Variants in ZBTB4 observed in about 807,000 individuals in gnomAD.
The protein encoded by ZBTB4 is zinc finger and BTB domain-containing protein 4.
A neutral mutation model predicts 59.8 loss-of-function variants in ZBTB4; 14 were observed. The ratio of observed to expected loss-of-function variants is 0.23; its 90% CI spans 0.15 to 0.37. The LOEUF is 0.37. Among genes scored for constraint, ZBTB4 ranks in the 10% least tolerant of loss-of-function variants. The pLI, the probability that ZBTB4 is intolerant of heterozygous loss-of-function variation, is 1.00. For missense variants in ZBTB4, 1,198 were observed against 1,380.8 expected, an observed-to-expected ratio of 0.87 and a Z score of 2.10; for synonymous variants, 587 against 575.2, an observed-to-expected ratio of 1.02 and a Z score of -0.29.
At position 7,466,379 on chromosome 17, in the gene ZBTB4, G is replaced by A. The variant is rs766377482; in HGVS notation, c.423C>T (p.Asn141=). The A allele has an allele frequency of 6.2e-7, 1 of 1,614,122 alleles. No homozygotes were observed. The highest frequency in any genetic ancestry group is 1.1e-5 in the South Asian group (1 of 91,064). Residue 141 remains asparagine, a synonymous_variant, in exon 3 of 4, where the codon AAC becomes AAT. Coordinates refer to ENST00000380599, the MANE Select transcript of ZBTB4 (RefSeq NM_001128833.2). The surrounding 1 kb of genome is among the most constrained non-coding windows in gnomAD (Gnocchi z 9.1). ...GTGCGAGCCGGGCGCTGTAGATGAA[G>A]TTGAGGACATCAGAAAACGCAGCTG... The part of the protein sequence containing the change: ...VPAAAFSDVL[N]FIYSARLALP...
At chr17:7,484,177 G>A (rs2070383087), upstream of ZBTB4, 1 of 153,386 alleles carries the variant, frequency 6.5e-6, no homozygotes, top group Admixed American at 6.5e-5. Flanking sequence ...TGGGATTAAA[G>A]AAAAAAATTC....
chr17:7,470,643 C>T (rs1236020967), intron 1 of ZBTB4, among the ~76,000 whole-genome samples: 1 of 152,158 alleles, frequency 6.6e-6, no homozygotes, highest in Non-Finnish European at 1.5e-5. Flanking sequence ...TTGCAGTGAG[C>T]CGAGATTGCA....
At position 7,463,043 on chromosome 17, in the gene ZBTB4, C is replaced by G. The variant is rs1165526664; in HGVS notation, c.1939G>C (p.Glu647Gln). The change falls in exon 4 of 4, where the codon GAG (glutamate) becomes CAG (glutamine). Residue 647 changes from glutamate to glutamine, a missense_variant. By Grantham distance (29) the Glu-to-Gln change is conservative. Around this residue, in one of 9 missense-constraint regions of ZBTB4, gnomAD observed 550 missense variants for 541.8 expected, o/e 1.02. Transcript: ENST00000380599. ...GATTCCTCCTCATCCTCCTCCTCCT[C>G]CTCTTCGTCCTCCTCCTCTTCGTCC... is the stretch of plus-strand genomic sequence containing the variant. The part of the protein sequence containing the change: ...EEDEEEEDEE[E>Q]EEEDEEESKA... The G allele has an allele frequency of 6.2e-7, 1 of 1,609,262 alleles. No homozygotes were observed. The highest frequency in any genetic ancestry group is 8.5e-7 in the Non-Finnish European group (1 of 1,178,128).
intron 1 of ZBTB4, among the ~76,000 whole-genome samples, chr17:7,473,131 G>A (rs1378312319): frequency 2.4e-5 from 1 of 41,508 alleles, no homozygotes; most frequent in Non-Finnish European, 4.9e-5. Context: ...TTTTTTTTTT[G>A]AGACTGAGTC....
intron 3 of ZBTB4, among the ~76,000 whole-genome samples, chr17:7,464,316 A>C (rs2150851658): frequency 6.6e-6 from 1 of 150,486 alleles, no homozygotes; most frequent in Admixed American, 6.7e-5. Flanking sequence ...AGGACATGGC[A>C]CAAAGAGGCC....
chr17:7,464,208 A>C (rs893933568), intron 3 of ZBTB4, among the ~76,000 whole-genome samples: 5 of 152,212 alleles, frequency 3.3e-5, no homozygotes, highest in African/African-American at 1.2e-4. Context: ...CCTGCTCGGA[A>C]TAGTGTAATG....
At chr17:7,470,492 C>T (rs558083434) in intron 1 of ZBTB4, among the ~76,000 whole-genome samples, 1 of 152,024 alleles carries the variant, frequency 6.6e-6, no homozygotes, top group South Asian at 2.1e-4. Context: ...TTCAGGAGCT[C>T]GAGACCAGCC....
At chr17:7,483,111 G>C, upstream of ZBTB4, 2 of 1,519,088 alleles carry the variant, frequency 1.3e-6, no homozygotes, top group Non-Finnish European at 1.8e-6. Flanking sequence ...GTGGGAGAGG[G>C]ATACCTCTCA....
At chr17:7,468,933 T>C (rs1392302245) in intron 1 of ZBTB4, among the ~76,000 whole-genome samples, 1 of 152,182 alleles carries the variant, frequency 6.6e-6, no homozygotes, top group Non-Finnish European at 1.5e-5. Context: ...CAGGGACTGA[T>C]GAGGTTCTGG....
upstream of ZBTB4, among the ~76,000 whole-genome samples, chr17:7,480,624 G>A (rs983170182): frequency 3.3e-5 from 5 of 152,166 alleles, no homozygotes; most frequent in Admixed American, 6.5e-5. Context: ...GGAGGCTGAG[G>A]CAGGAGAATG....
chr17:7,463,704 G>A lies in ZBTB4; in HGVS notation c.1278C>T (p.Pro426=). Reference sequence around the variant, plus strand: ...GGGCTCCCTGGCTGTAGGTCTTGTAGGGCCGCTTGGCTGCCCGCATGGGGA... The same window carrying A: ...GGGCTCCCTGGCTGTAGGTCTTGTAAGGCCGCTTGGCTGCCCGCATGGGGA... ...RLLPMRAAKR[P]YKTYSQGAPE... Residue 426 remains proline (P), a synonymous_variant, in exon 4 of 4, where the codon CCC becomes CCT. Coordinates refer to ENST00000380599, the MANE Select transcript of ZBTB4 (RefSeq NM_001128833.2). The A allele has an allele frequency of 6.2e-7, 1 of 1,613,970 alleles. No homozygotes were observed. The highest frequency in any genetic ancestry group is 8.5e-7 in the Non-Finnish European group (1 of 1,179,994).
chr17:7,481,858 G>T, upstream of ZBTB4: 1 of 1,321,724 alleles, frequency 7.6e-7, no homozygotes. Context: ...TAGCTCCGAA[G>T]AGTTCCTCAG....
chr17:7,482,391 G>C (rs1318894034), upstream of ZBTB4: 2 of 1,613,876 alleles, frequency 1.2e-6, no homozygotes, highest in Admixed American at 1.7e-5. Flanking sequence ...GTTCGCAAAG[G>C]TTCTTCCACC....
chr17:7,477,940 C>T (rs1030668418), intron 1 of ZBTB4, among the ~76,000 whole-genome samples: 1 of 152,176 alleles, frequency 6.6e-6, no homozygotes, highest in Non-Finnish European at 1.5e-5. Flanking sequence ...CAAAGATTAG[C>T]TGGGCCATCT....
Position 7,466,240 on chromosome 17 carries a change from G to C in ZBTB4, c.562C>G (p.Pro188Ala). 1 of 1,613,380 alleles carries C rather than the reference G, an allele frequency of 6.2e-7. No homozygotes were observed. Among genetic ancestry groups the C allele is most frequent in the Non-Finnish European group, 8.5e-7 (1 of 1,179,780 alleles). The change falls in exon 3 of 4, where the codon CCT (proline) becomes GCT (alanine). Residue 188 changes from proline to alanine, a missense_variant. Coordinates refer to ENST00000380599, the MANE Select transcript of ZBTB4 (RefSeq NM_001128833.2). This position sits in a 1 kb window ranked among gnomAD's most constrained non-coding sequence, Gnocchi z 9.1. Reference protein sequence around the residue: ...LGEGGDAWVPPTPAPMATSQP... With the variant: ...LGEGGDAWVPATPAPMATSQP... ...GAGGTGGCCATGGGGGCTGGGGTAGGAGGTACCCAGGCATCACCTCCCTCC... is the reference window on the plus strand; with the variant it reads ...GAGGTGGCCATGGGGGCTGGGGTAGCAGGTACCCAGGCATCACCTCCCTCC...
chr17:7,468,369 G>A (rs1301604251), intron 1 of ZBTB4, among the ~76,000 whole-genome samples: 2 of 148,036 alleles, frequency 1.4e-5, no homozygotes, highest in East Asian at 1.9e-4. Context: ...GCAAAACTCC[G>A]TCTCAAAAAA....
intron 1 of ZBTB4, among the ~76,000 whole-genome samples, chr17:7,469,956 C>T (rs2070177428): frequency 6.6e-6 from 1 of 151,684 alleles, no homozygotes; most frequent in South Asian, 2.1e-4. Flanking sequence ...GTGGCAGGCA[C>T]CTGTAGTCCC....
rs1260324595 is a variant in ZBTB4 at position 7,461,109 on chromosome 17, T to C, written c.*831A>G. On this transcript the variant is annotated 3_prime_UTR_variant, in exon 4 of 4. Coordinates refer to ENST00000380599, the MANE Select transcript of ZBTB4 (RefSeq NM_001128833.2). ...CTGGTCTAGCCCAGAATAGGCCATA[T>C]GTAGAGGCAGAAAGAGGTGTGATCT... 6.6e-6 allele frequency: 1 copy of C among 152,612 alleles called. No individual in the cohort carries two copies. Among genetic ancestry groups the C allele is most frequent in the Admixed American group, 6.5e-5 (1 of 15,288 alleles). The allele number at this position is 152,612 out of a possible 1,614,324, so 9.5% of individuals were successfully genotyped here.
In ZBTB4 at chr17:7,463,304, G is replaced by C. The variant is rs1161112700; in HGVS notation, c.1678C>G (p.Arg560Gly). 7.5e-6 allele frequency: 12 copies of C among 1,609,486 alleles called. No homozygotes were observed. Among genetic ancestry groups the C allele is most frequent in the Non-Finnish European group, 1.0e-5 (12 of 1,178,256 alleles). ...AGAGTCCTTCCAGCCCGTGGATTCC[G>C]GCCCTTGGCCTCCTCCGTGGTGGTG... ...MATTTEEAKG[R>G]NPRAGRTLTY... Residue 560 changes from arginine (R) to glycine (G), a missense_variant, in exon 4 of 4, where the codon CGG (arginine) becomes GGG (glycine). Physicochemically the swap from Arg to Gly is moderately radical, Grantham distance 125. Around this residue, in one of 9 missense-constraint regions of ZBTB4, gnomAD observed 550 missense variants for 541.8 expected, o/e 1.02. Coordinates refer to ENST00000380599, the MANE Select transcript of ZBTB4 (RefSeq NM_001128833.2).
Sources: gnomAD v4.1 joint callset for allele counts (sites outside exome capture counted in the v4.1 genomes callset) on GRCh38, gnomAD v4.1.1 for gene constraint, gnomAD v4.1.1 regional missense constraint, Gnocchi (gnomAD v3.1) non-coding constraint, MANE v1.5 for transcripts, NCBI Gene and HGNC (gene_info 2026-07-23, HGNC 2026-07-21) for gene names.